Variants in CRB1 observed in about 807,000 individuals in gnomAD.
The protein encoded by CRB1 is protein crumbs homolog 1.
In CRB1, 83 loss-of-function variants were observed where a neutral mutation model predicts 120.0. The observed-to-expected ratio is 0.69, with a 90% CI of 0.58 to 0.83. CRB1 has a LOEUF of 0.83. CRB1 is among the 40% of genes least tolerant of loss of function. The pLI, the probability that CRB1 is intolerant of heterozygous loss-of-function variation, is 0.00. For missense variants in CRB1, 1,699 were observed against 1,687.6 expected, an observed-to-expected ratio of 1.01 and a Z score of -0.12; for synonymous variants, 625 against 612.5, an observed-to-expected ratio of 1.02 and a Z score of -0.30.
intron 5 of CRB1, chr1:197,357,293 A>G (rs980234991): frequency 2.1e-6 from 1 of 470,804 alleles, no homozygotes; most frequent in Non-Finnish European, 3.9e-6. Context: ...TCTTTACGTT[A>G]CACACAGAAA....
At chr1:197,228,728 G>A in the CRB1 span, among the ~76,000 whole-genome samples, 3 of 152,030 alleles carry the variant, frequency 2.0e-5, no homozygotes, top group Non-Finnish European at 1.5e-5. Flanking sequence ...TGCTCTACTG[G>A]TACCAATATA....
At chr1:197,381,474 G>A (rs892212893) in intron 5 of CRB1, among the ~76,000 whole-genome samples, 12 of 152,260 alleles carry the variant, frequency 7.9e-5, no homozygotes, top group African/African-American at 2.6e-4. Context: ...AGTCCTTACA[G>A]TGATATCTTA....
In CRB1 at chr1:197,299,056, GA is replaced by G. The variant is rs545924117; in HGVS notation, c.71-29358del. On this transcript the variant is annotated intron_variant, in intron 1 of 11. Coordinates refer to ENST00000367400, the MANE Select transcript of CRB1 (RefSeq NM_201253.3). Reference sequence around the variant, plus strand: ...AGTCAAAAATACTGTAAGTAATGTAGAAAAAAAATCAACAAACTGGGAGAAG... The same window carrying G: ...AGTCAAAAATACTGTAAGTAATGTAGAAAAAAATCAACAAACTGGGAGAAG... 1.5e-4 allele frequency among the ~76,000 whole-genome samples: 23 copies of G among 151,616 alleles called. 1 individual carries two copies. The highest frequency in any genetic ancestry group is 9.7e-4 in the East Asian group (5 of 5,150).
At chr1:197,384,931 C>T (rs1558098385) in intron 5 of CRB1, among the ~76,000 whole-genome samples, 2 of 152,158 alleles carry the variant, frequency 1.3e-5, no homozygotes, top group Admixed American at 1.3e-4. Context: ...AAGCTAATCT[C>T]CTTCATTAAA....
At chr1:197,433,279 T>C (rs1373747640) in intron 8 of CRB1, among the ~76,000 whole-genome samples, 1 of 152,132 alleles carries the variant, frequency 6.6e-6, no homozygotes, top group Non-Finnish European at 1.5e-5. Flanking sequence ...GGTTGTTATA[T>C]TGATCTGCAG....
intron 2 of CRB1, among the ~76,000 whole-genome samples, chr1:197,332,926 G>A (rs1022742397): frequency 1.3e-5 from 2 of 152,150 alleles, no homozygotes; most frequent in African/African-American, 4.8e-5. Context: ...CAAGGGAAAA[G>A]CCAAAGTTGA....
At chr1:197,417,292 C>T (rs1282848841) in intron 5 of CRB1, among the ~76,000 whole-genome samples, 1 of 152,166 alleles carries the variant, frequency 6.6e-6, no homozygotes, top group Non-Finnish European at 1.5e-5. Context: ...TGACTCTTAA[C>T]CCGAGGTGTC....
At chr1:197,288,897 G>GA (rs1032842761) in intron 1 of CRB1, among the ~76,000 whole-genome samples, 5 of 151,262 alleles carry the variant, frequency 3.3e-5, no homozygotes, top group African/African-American at 1.2e-4. Context: ...CTGAAAAAGA[G>GA]AGTGAGAATA....
At chr1:197,235,180 GT>G in the CRB1 span, among the ~76,000 whole-genome samples, 1 of 152,118 alleles carries the variant, frequency 6.6e-6, no homozygotes, top group Non-Finnish European at 1.5e-5. Flanking sequence ...CAGAGACTCG[GT>G]AGGGGAACTT....
chr1:197,449,420 G>A, intron 11 of CRB1, among the ~76,000 whole-genome samples: 1 of 152,092 alleles, frequency 6.6e-6, no homozygotes, highest in East Asian at 1.9e-4. Flanking sequence ...AGGCTGGAGT[G>A]CAGTGGCGCA....
intron 1 of CRB1, among the ~76,000 whole-genome samples, chr1:197,311,698 A>AGTGTGTGTGTGTGT (rs57455433): frequency 1.4e-5 from 2 of 138,910 alleles, no homozygotes; most frequent in African/African-American, 5.3e-5. Flanking sequence ...TCATATAGTT[A>AGTGTGTGTGTGTGT]GTGTGTGTGT....
chr1:197,401,952 T>A (rs1316225169), intron 5 of CRB1, among the ~76,000 whole-genome samples: 2 of 151,916 alleles, frequency 1.3e-5, no homozygotes, highest in Non-Finnish European at 2.9e-5. Flanking sequence ...TTTTTATGTC[T>A]TTTAAAATAT....
intron 5 of CRB1, among the ~76,000 whole-genome samples, chr1:197,417,557 A>G (rs1348783519): frequency 2.6e-5 from 4 of 152,210 alleles, no homozygotes; most frequent in African/African-American, 9.6e-5. Context: ...GGGTTGAGGA[A>G]GGAGCAAATA....
rs1361990516 is a variant in CRB1 at position 197,406,096 on chromosome 1, C to T, written c.1172-14904C>T. ...GGTGTACCCAACAGCTCATTGAGAA[C>T]GGGCCATGATGACAATGGCGGTTTT... On this transcript the variant is annotated intron_variant, in intron 5 of 11. Transcript: ENST00000367400. Among the ~76,000 whole-genome samples the T allele has an allele frequency of 5.9e-5, 9 of 152,252 alleles. No homozygotes were observed. In the East Asian group the frequency reaches 7.7e-4, roughly 13 times the overall value.
chr1:197,266,795 A>G (rs1213797196), upstream of CRB1, among the ~76,000 whole-genome samples: 1 of 152,130 alleles, frequency 6.6e-6, no homozygotes, highest in African/African-American at 2.4e-5. Flanking sequence ...AGACACCCTA[A>G]CAGAAGGCTT....
At chr1:197,357,089 A>G (rs1660525807) in intron 5 of CRB1, 76 bp downstream of exon 5, 1 of 1,436,910 alleles carries the variant, frequency 7.0e-7, no homozygotes, top group African/African-American at 1.4e-5. Flanking sequence ...CAAATGGTGT[A>G]TTAGCAGGAA....
chr1:197,423,330 A>G lies in CRB1; in HGVS notation c.2128+1374A>G, dbSNP rs6428400. Among the ~76,000 whole-genome samples the G allele has an allele frequency of 6.8e-3, 1,038 of 152,130 alleles. 14 individuals are homozygous for G. The highest frequency in any genetic ancestry group is 0.024 in the African/African-American group (977 of 41,506). The stretch of plus-strand genomic sequence containing the variant: ...TGGAAAACCATGAACTTTTCAAACC[A>G]AGTTCCTGAATTGGTTACCCTTCCC... On this transcript the variant is annotated intron_variant, in intron 6 of 11. Transcript: ENST00000367400.
chr1:197,227,022 A>G, the CRB1 span, among the ~76,000 whole-genome samples: 2 of 152,202 alleles, frequency 1.3e-5, no homozygotes, highest in African/African-American at 2.4e-5. Flanking sequence ...TTATAGGAGT[A>G]CAATTCAAGA....
At chr1:197,406,468 A>T (rs1321888859) in intron 5 of CRB1, among the ~76,000 whole-genome samples, 3 of 152,136 alleles carry the variant, frequency 2.0e-5, no homozygotes, top group African/African-American at 7.2e-5. Context: ...TGCCTAGGAA[A>T]ACCAGAGACC....
Sources: gnomAD v4.1 joint callset for allele counts (sites outside exome capture counted in the v4.1 genomes callset) on GRCh38, gnomAD v4.1.1 for gene constraint, MANE v1.5 for transcripts, NCBI Gene and HGNC (gene_info 2026-07-23, HGNC 2026-07-21) for gene names.